Variants in QRICH1 observed in about 807,000 individuals in gnomAD.
QRICH1 encodes transcriptional regulator QRICH1.
QRICH1 carries 16 observed loss-of-function variants against 87.1 expected under a neutral mutation model. That is an observed-to-expected ratio of 0.18 (90% CI 0.12 to 0.28). The LOEUF is 0.28. Among genes scored for constraint, QRICH1 ranks in the 10% least tolerant of loss-of-function variants. The pLI is 1.00. For synonymous variants in QRICH1, 367 were observed against 368.4 expected (o/e 1.00, Z 0.05); for missense variants, 647 against 951.7 (o/e 0.68, Z 4.21).
Position 49,043,496 on chromosome 3 carries a change from CAAAAAAAAAAAA to C in QRICH1, c.1786+882_1786+893del, listed in dbSNP as rs57402124. Among the ~76,000 whole-genome samples the C allele has an allele frequency of 1.9e-4, 7 of 37,620 alleles. 1 individual carries two copies. The highest frequency in any genetic ancestry group is 6.1e-4 in the African/African-American group (5 of 8,208). 24.7% of individuals were successfully genotyped at this position (37,620 alleles called of 152,430 possible). A position where few individuals can be genotyped will look rare whatever the true frequency, so the allele number is the denominator to read the frequency against. On this transcript the variant is annotated intron_variant, in intron 6 of 9. Transcript: ENST00000395443. ...GGGCAACAAGAGCAAAACTCTGTCT[CAAAAAAAAAAAA>C]AAAAAAAAAAAAAAAGTCTATTAAA...
At chr3:49,078,386 C>CTTTTTTTTTTTT (rs60933196) in intron 1 of QRICH1, among the ~76,000 whole-genome samples, 1 of 69,826 alleles carries the variant, frequency 1.4e-5, no homozygotes, top group Non-Finnish European at 2.5e-5. Context: ...ATTATGGTTC[C>CTTTTTTTTTTTT]TTTTTTTTTT....
intron 2 of QRICH1, chr3:49,058,101 C>G: frequency 1.2e-6 from 1 of 826,838 alleles, no homozygotes; most frequent in Non-Finnish European, 1.8e-6. Flanking sequence ...ATATCCACCC[C>G]AGAGAGCAAG....
chr3:49,076,588 T>G, intron 2 of QRICH1, 121 bp downstream of exon 2: 1 of 1,027,068 alleles, frequency 9.7e-7, no homozygotes, highest in Non-Finnish European at 1.3e-6. Flanking sequence ...CACATTAACT[T>G]TGAAAATCTT....
At chr3:49,079,474 A>G (rs1413754496) in intron 1 of QRICH1, among the ~76,000 whole-genome samples, 2 of 148,062 alleles carry the variant, frequency 1.4e-5, no homozygotes, top group East Asian at 1.9e-4. Flanking sequence ...TAATTTTTAC[A>G]TAAATATAAA....
intron 2 of QRICH1, among the ~76,000 whole-genome samples, chr3:49,060,716 G>A (rs1035512335): frequency 2.6e-5 from 4 of 152,210 alleles, no homozygotes; most frequent in South Asian, 2.1e-4. Flanking sequence ...GCACAGAGGT[G>A]AGCATTACCA....
Position 49,089,667 on chromosome 3 carries a change from TG to T in QRICH1, c.-22+4244del, listed in dbSNP as rs149937463. On this transcript the variant is annotated intron_variant, in intron 1 of 9. Coordinates refer to ENST00000395443, the MANE Select transcript of QRICH1 (RefSeq NM_198880.3). ...CAGAATACTACATAAAAAATGGAAATGAACAGCTGCACACAATGTGAACAAA... is the reference window on the plus strand; with the variant it reads ...CAGAATACTACATAAAAAATGGAAATAACAGCTGCACACAATGTGAACAAA... Among the ~76,000 whole-genome samples, 28 of 152,240 alleles carry T rather than the reference TG, an allele frequency of 1.8e-4. No individual in the cohort carries two copies. The East Asian group carries it at 3.1e-3, about 17-fold the overall frequency.
At chr3:49,092,219 G>A (rs2042289998) in intron 1 of QRICH1, 1 of 152,132 alleles carries the variant, frequency 6.6e-6, no homozygotes, top group South Asian at 2.1e-4. Context: ...GGAGAAAACT[G>A]AGCAAGTAGC....
At chr3:49,069,104 A>ATTTTTTT (rs201458261) in intron 2 of QRICH1, among the ~76,000 whole-genome samples, 3 of 103,088 alleles carry the variant, frequency 2.9e-5, no homozygotes, top group East Asian at 5.3e-4. Context: ...TATTATTATT[A>ATTTTTTT]TTATTTTTTT....
At chr3:49,083,424 C>G (rs567135920) in intron 1 of QRICH1, 1 of 151,818 alleles carries the variant, frequency 6.6e-6, no homozygotes, top group Admixed American at 6.6e-5. Context: ...GGTGAACCAC[C>G]CCAGGTTGGA....
At chr3:49,085,569 A>G (rs1349790180) in intron 1 of QRICH1, among the ~76,000 whole-genome samples, 4 of 152,000 alleles carry the variant, frequency 2.6e-5, no homozygotes, top group African/African-American at 7.2e-5. Context: ...AGCCTGACCA[A>G]CATGATGAAA....
At chr3:49,071,794 G>A (rs970737179) in intron 2 of QRICH1, among the ~76,000 whole-genome samples, 7 of 152,170 alleles carry the variant, frequency 4.6e-5, no homozygotes, top group African/African-American at 1.7e-4. Flanking sequence ...CCAGGTTCAG[G>A]TGATCCTCCC....
intron 2 of QRICH1, among the ~76,000 whole-genome samples, chr3:49,068,808 T>C (rs1397023177): frequency 1.3e-5 from 2 of 151,516 alleles, no homozygotes; most frequent in Non-Finnish European, 2.9e-5. Flanking sequence ...TTTTGTATTT[T>C]TGGTAGAGAT....
chr3:49,069,945 C>T (rs2093491503), intron 2 of QRICH1, among the ~76,000 whole-genome samples: 1 of 152,142 alleles, frequency 6.6e-6, no homozygotes, highest in Non-Finnish European at 1.5e-5. Context: ...CAGTGGACCT[C>T]TACTCTGTGT....
intron 9 of QRICH1, 64 bp downstream of exon 9, chr3:49,032,119 T>A: frequency 3.1e-6 from 4 of 1,287,748 alleles, no homozygotes; most frequent in Middle Eastern, 3.7e-4. Flanking sequence ...ATCACACAAG[T>A]GAGCATGCAC....
intron 3 of QRICH1, among the ~76,000 whole-genome samples, chr3:49,054,413 TTCCTGATTTCCTACCA>T (rs1381834700): frequency 6.6e-6 from 1 of 152,140 alleles, no homozygotes; most frequent in Admixed American, 6.5e-5. Flanking sequence ...ATCTAGGAAA[TTCCTGATTTCCTACCA>T]CAGATTAGAT....
chr3:49,058,123 A>C (rs1198236012), intron 2 of QRICH1: 7 of 662,260 alleles, frequency 1.1e-5, no homozygotes, highest in Non-Finnish European at 1.7e-5. Context: ...AAGACAATTA[A>C]CTGGGGCCTA....
intron 2 of QRICH1, among the ~76,000 whole-genome samples, chr3:49,061,134 TAAAAAAAAAAAAAAAAAAAA>T (rs57557768): frequency 7.6e-5 from 3 of 39,720 alleles, no homozygotes; most frequent in Non-Finnish European, 1.2e-4. Context: ...GCCTCCATCT[TAAAAAAAAAAAAAAAAAAAA>T]AAAAAAAAAA....
intron 2 of QRICH1, among the ~76,000 whole-genome samples, chr3:49,069,892 G>C (rs2106953022): frequency 6.6e-6 from 1 of 152,156 alleles, no homozygotes; most frequent in South Asian, 2.1e-4. Context: ...TGTGTGTTTT[G>C]AAGTCTCTAG....
intron 2 of QRICH1, among the ~76,000 whole-genome samples, chr3:49,068,479 A>AT (rs2093481038): frequency 6.7e-6 from 1 of 150,062 alleles, no homozygotes; most frequent in Non-Finnish European, 1.5e-5. Flanking sequence ...AAAAAAAAAA[A>AT]AAATTAGTTG....
Sources: gnomAD v4.1 joint callset for allele counts (sites outside exome capture counted in the v4.1 genomes callset) on GRCh38, gnomAD v4.1.1 for gene constraint, MANE v1.5 for transcripts, NCBI Gene and HGNC (gene_info 2026-07-23, HGNC 2026-07-21) for gene names.